Variants in URB1 observed in about 807,000 individuals in gnomAD.
URB1 encodes the protein URB1 ribosome biogenesis factor, also known as nucleolar pre-ribosomal-associated protein 1.
A neutral mutation model predicts 242.3 loss-of-function variants in URB1; 197 were observed. That is an observed-to-expected ratio of 0.81 (90% CI 0.72 to 0.91). URB1 has a LOEUF of 0.91. Among genes scored for constraint, URB1 ranks in the 40% least tolerant of loss-of-function variants. The probability of loss-of-function intolerance (pLI) is 0.00; values close to 1 mark genes in which losing one functional copy is unlikely to be tolerated. For synonymous variants in URB1, 1,153 were observed against 1,201.8 expected (o/e 0.96, Z 0.84); for missense variants, 2,721 against 2,860.5 (o/e 0.95, Z 1.11).
chr21:32,320,621 A>G lies in URB1; in HGVS notation c.5504T>C (p.Leu1835Pro), dbSNP rs1568807802. The G allele has an allele frequency of 7.7e-6, 12 of 1,551,690 alleles. No individual in the cohort carries two copies. Among genetic ancestry groups the G allele is most frequent in the Non-Finnish European group, 1.0e-5 (12 of 1,146,934 alleles). Residue 1835 changes from leucine (L) to proline (P), a missense_variant, in exon 35 of 39, where the codon CTA (leucine) becomes CCA (proline). Transcript: ENST00000382751. ...TCTGGCAACCTGGGCAGCATTCTGTAGAATTTCCAGAATCCAATTCTGAAA... is the reference window on the plus strand; with the variant it reads ...TCTGGCAACCTGGGCAGCATTCTGTGGAATTTCCAGAATCCAATTCTGAAA... ...EAAQNWILEI[L>P]QNAAQVARSA...
chr21:32,376,193 A>G (rs547526404), intron 5 of URB1, among the ~76,000 whole-genome samples: 1 of 152,364 alleles, frequency 6.6e-6, no homozygotes, highest in Admixed American at 6.5e-5. Context: ...AGAGATGGTC[A>G]TGATTTTTTA....
At chr21:32,348,566 A>G (rs1227207138) in intron 21 of URB1, among the ~76,000 whole-genome samples, 1 of 152,080 alleles carries the variant, frequency 6.6e-6, no homozygotes, top group African/African-American at 2.4e-5. Flanking sequence ...ATTCCTCGCC[A>G]ACGACACTCC....
At chr21:32,340,688 A>G (rs537477092) in intron 25 of URB1, among the ~76,000 whole-genome samples, 2 of 152,310 alleles carry the variant, frequency 1.3e-5, no homozygotes, top group South Asian at 4.1e-4. Context: ...ATGCACCCAC[A>G]CTAAAAGCTA....
Position 32,361,686 on chromosome 21 carries a change from G to A in URB1, c.1639+206C>T, listed in dbSNP as rs118032426. On this transcript the variant is annotated intron_variant, in intron 12 of 38. Transcript: ENST00000382751. The stretch of plus-strand genomic sequence containing the variant: ...ACAGTGCTCGCATAAAGATGGGCAC[G>A]TTTCTAACAGATACTAAAATTCAAT... 9.5e-4 allele frequency among the ~76,000 whole-genome samples: 145 copies of A among 152,270 alleles called. No homozygotes were observed. The East Asian group carries it at 0.024, about 25-fold the overall frequency.
chr21:32,320,583 TTTCA>T lies in URB1; in HGVS notation c.5538_5541del (p.Tyr1846Ter). On this transcript the variant is annotated frameshift_variant, in exon 35 of 39. Coordinates refer to ENST00000382751, the MANE Select transcript of URB1 (RefSeq NM_014825.3). LOFTEE classifies it high-confidence loss of function. ...GTTAAAAGGCTATAGTCTCGTATGA[TTTCA>T]TACGCAGATCTGGCAACCTGGGCAG... is the stretch of plus-strand genomic sequence containing the variant. The T allele has an allele frequency of 3.9e-6, 6 of 1,551,992 alleles. No homozygotes were observed. The highest frequency in any genetic ancestry group is 5.2e-6 in the Non-Finnish European group (6 of 1,147,054).
At chr21:32,368,058 C>T (rs902090951) in intron 9 of URB1, among the ~76,000 whole-genome samples, 1 of 152,098 alleles carries the variant, frequency 6.6e-6, no homozygotes, top group Non-Finnish European at 1.5e-5. Context: ...CCTATGCCCC[C>T]CTACCTAGCT....
rs115563395 is a variant in URB1, at chr21:32,331,835, T to G, written c.4960+1482A>C. Among the ~76,000 whole-genome samples the G allele has an allele frequency of 6.6e-3, 1,001 of 152,266 alleles. 11 individuals carry two copies. Among genetic ancestry groups the G allele is most frequent in the African/African-American group, 0.023 (968 of 41,550 alleles). The stretch of plus-strand genomic sequence containing the variant: ...AGGAGCCCCAAATCCCCTGTTGGGG[T>G]GGCATGAGAGAAGGCCAAGTAGGGA... On this transcript the variant is annotated intron_variant, in intron 30 of 38. Transcript: ENST00000382751.
rs536011535 is a variant in URB1, at chr21:32,357,678, G to A, written c.1870-22C>T. 66 of 1,394,342 alleles carry A rather than the reference G, an allele frequency of 4.7e-5. 1 individual carries two copies. Among genetic ancestry groups the A allele is most frequent in the African/African-American group, 2.1e-4 (14 of 65,638 alleles). The allele number at this position is 1,394,342 out of a possible 1,614,324, so 86.4% of individuals were successfully genotyped here. A position where few individuals can be genotyped will look rare whatever the true frequency, so the allele number is the denominator to read the frequency against. On this transcript the variant is annotated intron_variant, in intron 14 of 38. Coordinates refer to ENST00000382751, the MANE Select transcript of URB1 (RefSeq NM_014825.3). ...CTTCCTAGAGTTTAAACAATATTACGTATTTTTAGTATATATAATTACATA... is the reference window on the plus strand; with the variant it reads ...CTTCCTAGAGTTTAAACAATATTACATATTTTTAGTATATATAATTACATA...
intron 13 of URB1, among the ~76,000 whole-genome samples, chr21:32,360,431 T>C (rs189094388): frequency 7.2e-5 from 11 of 152,346 alleles, no homozygotes; most frequent in South Asian, 6.2e-4. Flanking sequence ...AAAAAGTGAA[T>C]TGCAGCTTTT....
At chr21:32,365,947 G>A (rs976627238) in intron 10 of URB1, among the ~76,000 whole-genome samples, 1 of 152,230 alleles carries the variant, frequency 6.6e-6, no homozygotes, top group African/African-American at 2.4e-5. Context: ...GGGGTTAGGA[G>A]GCACTGGCAG....
intron 22 of URB1, 47 bp downstream of exon 22, chr21:32,346,909 C>T (rs975061314): frequency 3.4e-6 from 5 of 1,460,026 alleles, no homozygotes; most frequent in Non-Finnish European, 3.6e-6. Flanking sequence ...CCTTCTTAGC[C>T]CGTGCAACTT....
At chr21:32,327,461 T>G (rs1670083753) in intron 30 of URB1, among the ~76,000 whole-genome samples, 1 of 152,122 alleles carries the variant, frequency 6.6e-6, no homozygotes, top group South Asian at 2.1e-4. Context: ...TTTCAAAAGT[T>G]AAGACTTTTT....
intron 3 of URB1, 44 bp from the exon 4 acceptor site, chr21:32,383,598 G>A (rs2033550789): frequency 6.6e-7 from 1 of 1,521,860 alleles, no homozygotes; most frequent in Non-Finnish European, 8.8e-7. Flanking sequence ...AACAACAGCA[G>A]AAGCACAGAG....
At chr21:32,320,710 T>C (rs2032754798) in intron 34 of URB1, 70 bp from the exon 35 acceptor site, 2 of 1,129,090 alleles carry the variant, frequency 1.8e-6, no homozygotes, top group Admixed American at 4.3e-5. Context: ...GAAACCGTTT[T>C]AAAAATTAAT....
At chr21:32,321,516 A>C (rs560271974) in intron 34 of URB1, among the ~76,000 whole-genome samples, 5 of 152,146 alleles carry the variant, frequency 3.3e-5, no homozygotes, top group Non-Finnish European at 7.4e-5. Flanking sequence ...TGGCCTTCGT[A>C]TATGCCAAGG....
At chr21:32,340,692 A>G (rs2033019732) in intron 25 of URB1, among the ~76,000 whole-genome samples, 1 of 152,208 alleles carries the variant, frequency 6.6e-6, no homozygotes, top group Non-Finnish European at 1.5e-5. Context: ...ACCCACACTA[A>G]AAGCTAGTAA....
intron 1 of URB1, among the ~76,000 whole-genome samples, chr21:32,391,614 A>G (rs1568837191): frequency 6.6e-6 from 1 of 152,208 alleles, no homozygotes; most frequent in Admixed American, 6.5e-5. Flanking sequence ...ACCGTAGCAA[A>G]TAATAGCCTC....
intron 37 of URB1, 139 bp from the exon 38 acceptor site, chr21:32,317,204 G>T: frequency 8.3e-7 from 1 of 1,209,480 alleles, no homozygotes; most frequent in South Asian, 1.6e-5. Context: ...CACGTCAGGA[G>T]CCTGGTGAGT....
At chr21:32,324,417 G>A in intron 32 of URB1, 74 bp downstream of exon 32, 4 of 1,235,238 alleles carry the variant, frequency 3.2e-6, no homozygotes, top group Admixed American at 4.0e-5. Flanking sequence ...ATACCTGTGG[G>A]ACTAATCCCT....
Sources: gnomAD v4.1 joint callset for allele counts (sites outside exome capture counted in the v4.1 genomes callset) on GRCh38, gnomAD v4.1.1 for gene constraint, MANE v1.5 for transcripts, NCBI Gene and HGNC (gene_info 2026-07-23, HGNC 2026-07-21) for gene names.